FBXL2: variants seen among roughly 807,000 people sequenced by gnomAD.
FBXL2 encodes F-box and leucine rich repeat protein 2.
FBXL2 carries 38 observed loss-of-function variants against 69.2 expected under a neutral mutation model. That is an observed-to-expected ratio of 0.55 (90% CI 0.42 to 0.72). The LOEUF (loss-of-function observed/expected upper bound fraction) is 0.72, where lower values mean the gene tolerates loss of function less well. Among genes scored for constraint, FBXL2 ranks in the 30% least tolerant of loss-of-function variants. The pLI is 0.00. For missense variants in FBXL2, 354 were observed against 520.3 expected (o/e 0.68, Z 3.11); for synonymous variants, 192 against 201.3 (o/e 0.95, Z 0.39).
At chr3:33,371,009 T>G (rs539177945) in intron 5 of FBXL2, among the ~76,000 whole-genome samples, 2 of 152,280 alleles carry the variant, frequency 1.3e-5, no homozygotes, top group African/African-American at 4.8e-5. Context: ...GAAGTTGTCC[T>G]ACAGTTCGTT....
downstream of FBXL2, among the ~76,000 whole-genome samples, chr3:33,406,982 C>G (rs895470259): frequency 6.6e-6 from 1 of 152,178 alleles, no homozygotes. Flanking sequence ...GTCTGGATAT[C>G]CCTTTTTACT....
chr3:33,300,317 C>T (rs1030137306), intron 2 of FBXL2, among the ~76,000 whole-genome samples: 1 of 152,192 alleles, frequency 6.6e-6, no homozygotes, highest in Admixed American at 6.5e-5. Context: ...GATTTCTAAA[C>T]TGCAGTCTTG....
chr3:33,365,051 C>T (rs550272105), intron 5 of FBXL2, among the ~76,000 whole-genome samples: 1 of 152,292 alleles, frequency 6.6e-6, no homozygotes, highest in Admixed American at 6.5e-5. Flanking sequence ...TTTCTATTCC[C>T]TTCTTCACTT....
intron 2 of FBXL2, among the ~76,000 whole-genome samples, chr3:33,340,657 C>T (rs1206172058): frequency 6.7e-6 from 1 of 150,192 alleles, no homozygotes; most frequent in Non-Finnish European, 1.5e-5. Flanking sequence ...TTTGGGAGGC[C>T]GAGGCAGGCA....
At chr3:33,416,724 A>G in the FBXL2 span, 3 of 1,483,462 alleles carry the variant, frequency 2.0e-6, no homozygotes, top group Non-Finnish European at 1.9e-6. Flanking sequence ...AATCACAGCA[A>G]TATCCATTGG....
At position 33,364,607 on chromosome 3, in the gene FBXL2, G is replaced by T. The variant is rs772555095; in HGVS notation, c.196-18G>T. 1 of 1,608,654 alleles carries T rather than the reference G, an allele frequency of 6.2e-7. No homozygotes were observed. Among genetic ancestry groups the T allele is most frequent in the Non-Finnish European group, 8.5e-7 (1 of 1,176,384 alleles). On this transcript the variant is annotated intron_variant, in intron 4 of 14. Transcript: ENST00000484457. The stretch of plus-strand genomic sequence containing the variant: ...TGAAAAAACAGTATTTTTTCCTCCC[G>T]AACTTTCTTGATTAAAGGGTCGAGT...
At chr3:33,277,418 G>C, upstream of FBXL2, 1 of 1,225,380 alleles carries the variant, frequency 8.2e-7, no homozygotes, top group Middle Eastern at 2.2e-4. Flanking sequence ...CCACCTTGGG[G>C]ACGGGGCGGG....
intron 2 of FBXL2, among the ~76,000 whole-genome samples, chr3:33,306,691 T>C (rs1464371697): frequency 6.6e-6 from 1 of 152,154 alleles, no homozygotes; most frequent in Non-Finnish European, 1.5e-5. Context: ...TCTTCCATCC[T>C]TTATATTTCT....
intron 2 of FBXL2, among the ~76,000 whole-genome samples, chr3:33,350,432 A>AT (rs2040749682): frequency 7.6e-6 from 1 of 132,190 alleles, no homozygotes; most frequent in Admixed American, 8.8e-5. Context: ...CTAACATCAT[A>AT]ATTTTTTTTT....
the FBXL2 span, among the ~76,000 whole-genome samples, chr3:33,415,521 GAT>G: frequency 6.6e-6 from 1 of 152,096 alleles, no homozygotes; most frequent in Non-Finnish European, 1.5e-5. Context: ...ATATATACCA[GAT>G]ATATTTATTA....
At chr3:33,390,319 CTA>C, downstream of FBXL2, 1 of 1,613,482 alleles carries the variant, frequency 6.2e-7, no homozygotes, top group Non-Finnish European at 8.5e-7. Context: ...ACAGTTCAGT[CTA>C]TATAAGACAT....
chr3:33,339,724 A>C (rs2039872047), intron 2 of FBXL2, among the ~76,000 whole-genome samples: 1 of 152,214 alleles, frequency 6.6e-6, no homozygotes, highest in African/African-American at 2.4e-5. Context: ...AGGAAAAAAA[A>C]CACTGCTAAA....
chr3:33,292,715 G>T (rs140999961), intron 1 of FBXL2, among the ~76,000 whole-genome samples: 1 of 151,874 alleles, frequency 6.6e-6, no homozygotes, highest in East Asian at 1.9e-4. Flanking sequence ...CTAAAATGTA[G>T]ACACTGGCAG....
chr3:33,362,828 A>G (rs1003045013), intron 4 of FBXL2, among the ~76,000 whole-genome samples: 1 of 152,038 alleles, frequency 6.6e-6, no homozygotes, highest in Non-Finnish European at 1.5e-5. Context: ...AGGTACTTAA[A>G]TATATATCTT....
intron 2 of FBXL2, among the ~76,000 whole-genome samples, chr3:33,316,318 C>T (rs951708768): frequency 6.6e-6 from 1 of 152,084 alleles, no homozygotes; most frequent in Non-Finnish European, 1.5e-5. Flanking sequence ...CTCAGCCTCC[C>T]AAAGTGCCGA....
intron 2 of FBXL2, among the ~76,000 whole-genome samples, chr3:33,341,570 C>G (rs2040016138): frequency 6.6e-6 from 1 of 152,076 alleles, no homozygotes; most frequent in Non-Finnish European, 1.5e-5. Context: ...TGGCTCACGC[C>G]TGTAATCCTA....
chr3:33,328,106 CTACAAAGA>C (rs1486543303), intron 2 of FBXL2, among the ~76,000 whole-genome samples: 1 of 151,920 alleles, frequency 6.6e-6, no homozygotes, highest in African/African-American at 2.4e-5. Context: ...TTCATAATTG[CTACAAAGA>C]ATAAAAATTA....
At chr3:33,419,584 C>T in the FBXL2 span, among the ~76,000 whole-genome samples, 161 of 150,172 alleles carry the variant, frequency 1.1e-3, 1 homozygote, top group Non-Finnish European at 1.9e-3. Flanking sequence ...GCCGAGATCG[C>T]GCCATTGCAC....
intron 2 of FBXL2, among the ~76,000 whole-genome samples, chr3:33,349,276 C>T (rs1040302326): frequency 6.6e-6 from 1 of 152,066 alleles, no homozygotes; most frequent in Non-Finnish European, 1.5e-5. Flanking sequence ...AGGTATGTTC[C>T]TTCTATACCT....
Sources: allele counts gnomAD v4.1 joint callset (sites outside exome capture counted in the v4.1 genomes callset), GRCh38; gene constraint gnomAD v4.1.1; transcripts MANE v1.5; gene names NCBI Gene and HGNC (gene_info 2026-07-23, HGNC 2026-07-21).